The following MPRIP variants were observed in gnomAD, a reference collection of about 807,000 sequenced individuals.
MPRIP encodes the protein myosin phosphatase Rho interacting protein, also known as myosin phosphatase Rho-interacting protein.
A neutral mutation model predicts 234.9 loss-of-function variants in MPRIP; 59 were observed. The ratio of observed to expected loss-of-function variants is 0.25; its 90% CI spans 0.20 to 0.31. The LOEUF (loss-of-function observed/expected upper bound fraction) is 0.31, where lower values mean the gene tolerates loss of function less well. MPRIP is among the 10% of genes least tolerant of loss of function. The pLI, the probability that MPRIP is intolerant of heterozygous loss-of-function variation, is 1.00. For synonymous variants in MPRIP, 1,144 were observed against 1,263.9 expected (o/e 0.91, Z 2.01); for missense variants, 2,436 against 3,071.0 (o/e 0.79, Z 4.89).
chr17:17,060,159 G>C (rs2088826935), intron 1 of MPRIP, among the ~76,000 whole-genome samples: 1 of 152,186 alleles, frequency 6.6e-6, no homozygotes, highest in South Asian at 2.1e-4. Flanking sequence ...GGTGGTCTGT[G>C]GCTGGCTCAT....
intron 1 of MPRIP, chr17:17,057,553 A>G (rs1164700191): frequency 1.4e-6 from 1 of 715,594 alleles, no homozygotes; most frequent in African/African-American, 1.7e-5. Context: ...TCCCCAGAGG[A>G]CCTTGGGGTC....
intron 1 of MPRIP, among the ~76,000 whole-genome samples, chr17:17,055,603 A>C (rs927718316): frequency 6.6e-6 from 1 of 152,094 alleles, no homozygotes; most frequent in African/African-American, 2.4e-5. Context: ...AAACAGGAGG[A>C]GTCTCTTCTT....
chr17:17,184,364 G>C (rs2144727453), intron 23 of MPRIP, among the ~76,000 whole-genome samples: 1 of 152,326 alleles, frequency 6.6e-6, no homozygotes, highest in South Asian at 2.1e-4. Flanking sequence ...CCTGTCCCGG[G>C]ACACCCATCC....
intron 3 of MPRIP, among the ~76,000 whole-genome samples, chr17:17,118,949 A>AG (rs1412108649): frequency 6.6e-6 from 1 of 152,096 alleles, no homozygotes; most frequent in African/African-American, 2.4e-5. Flanking sequence ...TCCTCAAAAG[A>AG]GAGGGGCTTG....
chr17:17,094,005 C>T (rs1049392422), intron 3 of MPRIP, among the ~76,000 whole-genome samples: 1 of 152,218 alleles, frequency 6.6e-6, no homozygotes, highest in African/African-American at 2.4e-5. Flanking sequence ...GGACCTGCTG[C>T]ATAGCTCTCC....
chr17:17,182,710 G>A (rs1001873756), intron 23 of MPRIP: 1 of 152,370 alleles, frequency 6.6e-6, no homozygotes, highest in Non-Finnish European at 1.5e-5. Flanking sequence ...AGCATGCTGG[G>A]TGCTGTGGCT....
chr17:17,106,270 A>G (rs1438365505), intron 3 of MPRIP, among the ~76,000 whole-genome samples: 1 of 151,064 alleles, frequency 6.6e-6, no homozygotes, highest in Non-Finnish European at 1.5e-5. Context: ...GGATTCCTAC[A>G]CTCTTGGTCT....
At chr17:17,064,180 T>A (rs1338242048) in intron 1 of MPRIP, among the ~76,000 whole-genome samples, 7 of 151,004 alleles carry the variant, frequency 4.6e-5, no homozygotes, top group Non-Finnish European at 1.0e-4. Flanking sequence ...AGTGGCTGAG[T>A]TTTGTTTTTC....
At chr17:17,071,262 G>C (rs2089186799) in intron 1 of MPRIP, among the ~76,000 whole-genome samples, 1 of 152,206 alleles carries the variant, frequency 6.6e-6, no homozygotes, top group Non-Finnish European at 1.5e-5. Context: ...AGAGTTTTCT[G>C]TCTTGTTGGG....
chr17:17,162,301 G>A (rs541386504), intron 15 of MPRIP, among the ~76,000 whole-genome samples: 1 of 152,296 alleles, frequency 6.6e-6, no homozygotes, highest in East Asian at 1.9e-4. Flanking sequence ...GGGCCCTTCC[G>A]GCTCTTAGAC....
chr17:17,162,880 T>C (rs1305166253), intron 15 of MPRIP, among the ~76,000 whole-genome samples: 1 of 152,222 alleles, frequency 6.6e-6, no homozygotes, highest in Non-Finnish European at 1.5e-5. Flanking sequence ...GTCCCAAGTA[T>C]TTTGGATAAG....
chr17:17,124,079 C>T (rs1455770495), intron 3 of MPRIP, among the ~76,000 whole-genome samples: 3 of 152,162 alleles, frequency 2.0e-5, no homozygotes, highest in Non-Finnish European at 2.9e-5. Flanking sequence ...GGAGATAGAA[C>T]CCTCACTTTG....
intron 16 of MPRIP, 125 bp downstream of exon 16, chr17:17,168,040 A>G (rs2046043487): frequency 1.3e-6 from 1 of 794,974 alleles, no homozygotes; most frequent in Admixed American, 3.0e-5. Context: ...TCTACTTGCT[A>G]GCCATGGTGT....
chr17:17,180,687 C>A, intron 23 of MPRIP: 1 of 1,606,732 alleles, frequency 6.2e-7, no homozygotes, highest in South Asian at 1.1e-5. Context: ...GCCTCTCCCA[C>A]CGCCTGCATG....
intron 8 of MPRIP, 75 bp from the exon 9 acceptor site, chr17:17,143,480 TG>T: frequency 1.1e-6 from 1 of 943,700 alleles, no homozygotes; most frequent in Non-Finnish European, 1.5e-6. Flanking sequence ...CTTGGAGGGG[TG>T]GACAGCACCA....
At chr17:17,099,853 C>T (rs564919179) in intron 3 of MPRIP, among the ~76,000 whole-genome samples, 52 of 152,292 alleles carry the variant, frequency 3.4e-4, no homozygotes, top group African/African-American at 1.1e-3. Flanking sequence ...AAGTGTTTTT[C>T]CCAATTATAA....
intron 21 of MPRIP, among the ~76,000 whole-genome samples, chr17:17,176,894 C>G (rs2144691046): frequency 6.6e-6 from 1 of 152,336 alleles, no homozygotes; most frequent in South Asian, 2.1e-4. Flanking sequence ...TTGGTGGTCA[C>G]TCAGTCACCT....
intron 1 of MPRIP, among the ~76,000 whole-genome samples, chr17:17,061,241 T>G (rs1567688161): frequency 6.6e-6 from 1 of 152,224 alleles, no homozygotes; most frequent in African/African-American, 2.4e-5. Flanking sequence ...CCCCTGACTT[T>G]TACTGACTTA....
At chr17:17,172,883 G>A (rs989460324) in intron 18 of MPRIP, 68 bp downstream of exon 18, 1 of 1,406,494 alleles carries the variant, frequency 7.1e-7, no homozygotes, top group Non-Finnish European at 9.9e-7. Flanking sequence ...GGCCACAGCT[G>A]GGCCCTTCCT....
Sources: gnomAD v4.1 joint callset for allele counts (sites outside exome capture counted in the v4.1 genomes callset) on GRCh38, gnomAD v4.1.1 for gene constraint, MANE v1.5 for transcripts, NCBI Gene and HGNC (gene_info 2026-07-23, HGNC 2026-07-21) for gene names.